ATF6: variants seen among roughly 807,000 people sequenced by gnomAD.
ATF6 encodes the protein activating transcription factor 6.
ATF6 carries 53 observed loss-of-function variants against 83.6 expected under a neutral mutation model. That is an observed-to-expected ratio of 0.63 (90% CI 0.51 to 0.80). The LOEUF is 0.80. Among genes scored for constraint, ATF6 ranks in the 30% least tolerant of loss-of-function variants. The pLI is 0.00. For synonymous variants in ATF6, 288 were observed against 285.8 expected, an observed-to-expected ratio of 1.01 and a Z score of -0.08; for missense variants, 744 against 797.9, an observed-to-expected ratio of 0.93 and a Z score of 0.81.
intron 15 of ATF6, among the ~76,000 whole-genome samples, chr1:161,921,449 A>G (rs183828626): frequency 2.6e-5 from 4 of 152,350 alleles, no homozygotes; most frequent in Admixed American, 6.5e-5. Context: ...CTTTGGAACA[A>G]TCTCAAGATG....
At chr1:161,863,513 G>C (rs1369731338) in intron 14 of ATF6, among the ~76,000 whole-genome samples, 1 of 152,048 alleles carries the variant, frequency 6.6e-6, no homozygotes, top group Non-Finnish European at 1.5e-5. Flanking sequence ...ACATGGAATT[G>C]GTGTCAGACT....
intron 9 of ATF6, among the ~76,000 whole-genome samples, chr1:161,828,401 G>A (rs140771421): frequency 2.0e-5 from 3 of 152,266 alleles, no homozygotes; most frequent in Non-Finnish European, 2.9e-5. Flanking sequence ...ATAATGATAA[G>A]CTAGCATTGG....
intron 15 of ATF6, among the ~76,000 whole-genome samples, chr1:161,940,171 C>T (rs1688615645): frequency 6.6e-6 from 1 of 152,146 alleles, no homozygotes; most frequent in Admixed American, 6.5e-5. Context: ...CTCTTTCATC[C>T]ACTTTTGATC....
chr1:161,829,189 C>CTTT lies in ATF6; in HGVS notation c.1187+8051_1187+8053dup, dbSNP rs35619050. ...ACTCCCACACAATCATAATGGGAGA[C>CTTT]TTTTTTTTTTTTTTTTTTTTTTTTT... is the stretch of plus-strand genomic sequence containing the variant. On this transcript the variant is annotated intron_variant, in intron 9 of 15. Coordinates refer to ENST00000367942, the MANE Select transcript of ATF6 (RefSeq NM_007348.4). 2.7e-3 allele frequency among the ~76,000 whole-genome samples: 197 copies of CTTT among 72,452 alleles called. 1 individual carries two copies. Among genetic ancestry groups the CTTT allele is most frequent in the Non-Finnish European group, 2.9e-3 (116 of 39,672 alleles). The allele number at this position is 72,452 out of a possible 152,430, so 47.5% of individuals were successfully genotyped here. A position where few individuals can be genotyped will look rare whatever the true frequency, so the allele number is the denominator to read the frequency against.
intron 14 of ATF6, among the ~76,000 whole-genome samples, chr1:161,875,816 G>A (rs1256468896): frequency 1.3e-5 from 2 of 151,816 alleles, no homozygotes; most frequent in African/African-American, 4.8e-5. Flanking sequence ...CAGCAGAAAT[G>A]CTTTATGTGT....
intron 15 of ATF6, among the ~76,000 whole-genome samples, chr1:161,914,104 CT>C (rs2101889996): frequency 6.6e-6 from 1 of 152,212 alleles, no homozygotes; most frequent in East Asian, 1.9e-4. Context: ...AAAAACTTCC[CT>C]TTTTAGGATA....
Position 161,962,340 on chromosome 1 carries a change from C to T in ATF6, c.*3686C>T, listed in dbSNP as rs1316260109. 1.3e-5 allele frequency: 2 copies of T among 152,150 alleles called. No individual in the cohort carries two copies. The highest frequency in any genetic ancestry group is 2.9e-5 in the Non-Finnish European group (2 of 68,028). The allele number at this position is 152,150 out of a possible 1,614,324, so 9.4% of individuals were successfully genotyped here. Reference sequence around the variant, plus strand: ...GACATCATCCTGACTAAATCTTAGCCTGAACCTTCCTCCCCTGTGTGTATT... The same window carrying T: ...GACATCATCCTGACTAAATCTTAGCTTGAACCTTCCTCCCCTGTGTGTATT... On this transcript the variant is annotated 3_prime_UTR_variant, in exon 16 of 16. Coordinates refer to ENST00000367942, the MANE Select transcript of ATF6 (RefSeq NM_007348.4).
chr1:161,834,340 G>A (rs1321353885), intron 9 of ATF6, among the ~76,000 whole-genome samples: 6 of 151,724 alleles, frequency 4.0e-5, no homozygotes, highest in Non-Finnish European at 8.8e-5. Context: ...TGTTTATTGC[G>A]GCACTATTCA....
chr1:161,819,759 G>C lies in ATF6; in HGVS notation c.1036G>C (p.Glu346Gln). 1 of 1,612,538 alleles carries C rather than the reference G, an allele frequency of 6.2e-7. No individual in the cohort carries two copies. Among genetic ancestry groups the C allele is most frequent in the Non-Finnish European group, 8.5e-7 (1 of 1,179,374 alleles). The change falls in exon 8 of 16, where the codon GAG (glutamate) becomes CAG (glutamine). Residue 346 changes from glutamate to glutamine, a missense_variant. Glu to Gln is a conservative substitution (Grantham distance 29). Coordinates refer to ENST00000367942, the MANE Select transcript of ATF6 (RefSeq NM_007348.4). ...ARLKAALSEN[E>Q]QLKKENGTLK... is the part of the protein sequence containing the mutation. ...ATTAAAGGCTGCCCTCTCAGAAAAC[G>C]AGCAACTGAAGAAAGAAAATGGAAC... is the stretch of plus-strand genomic sequence containing the variant.
intron 7 of ATF6, among the ~76,000 whole-genome samples, chr1:161,808,778 A>C (rs1685369120): frequency 6.6e-6 from 1 of 150,962 alleles, no homozygotes; most frequent in African/African-American, 2.4e-5. Flanking sequence ...GTTGTATTGC[A>C]CAGGGTGGTC....
At chr1:161,906,644 A>G (rs2101884108) in intron 14 of ATF6, among the ~76,000 whole-genome samples, 1 of 152,300 alleles carries the variant, frequency 6.6e-6, no homozygotes, top group East Asian at 1.9e-4. Context: ...GCATTATCAG[A>G]TTTGTATTAA....
rs16845999 is a variant in ATF6, at chr1:161,790,879, A to G, written c.355-529A>G. ...TGCTCCATTCATGCATCTTTCTTTT[A>G]CAACATTTGGAACAAAGGCAGTATT... On this transcript the variant is annotated intron_variant, in intron 4 of 15. Transcript: ENST00000367942. Among the ~76,000 whole-genome samples the G allele has an allele frequency of 9.8e-3, 1,486 of 152,288 alleles. 26 individuals carry two copies. Among genetic ancestry groups the G allele is most frequent in the African/African-American group, 0.034 (1,420 of 41,546 alleles).
intron 9 of ATF6, among the ~76,000 whole-genome samples, chr1:161,831,115 C>G (rs975533339): frequency 7.9e-5 from 12 of 151,932 alleles, no homozygotes; most frequent in Non-Finnish European, 1.5e-4. Context: ...AAAAACAACC[C>G]CATCAAAAAG....
intron 6 of ATF6, among the ~76,000 whole-genome samples, chr1:161,800,682 G>A (rs564242279): frequency 6.6e-6 from 1 of 152,304 alleles, no homozygotes; most frequent in East Asian, 1.9e-4. Context: ...TGCCTTTGAT[G>A]CTGTTTTCAT....
At chr1:161,787,407 T>C (rs1451936446) in intron 4 of ATF6, among the ~76,000 whole-genome samples, 1 of 152,214 alleles carries the variant, frequency 6.6e-6, no homozygotes, top group Non-Finnish European at 1.5e-5. Flanking sequence ...GGGGGTCCCT[T>C]CACACCAGCT....
chr1:161,792,418 C>A lies in ATF6; in HGVS notation c.688+91C>A, dbSNP rs1362626392. Reference sequence around the variant, plus strand: ...TTTGTTTTAATTCAGGTTATAATTTCTGAGCACGTGCTGTTTGTCAGGAAT... The same window carrying A: ...TTTGTTTTAATTCAGGTTATAATTTATGAGCACGTGCTGTTTGTCAGGAAT... On this transcript the variant is annotated intron_variant, in intron 6 of 15. Transcript: ENST00000367942. The A allele has an allele frequency of 1.9e-5, 23 of 1,234,780 alleles. No homozygotes were observed. In the East Asian group the frequency reaches 5.1e-4, roughly 27 times the overall value. 76.5% of individuals were successfully genotyped at this position (1,234,780 alleles called of 1,614,324 possible).
intron 15 of ATF6, among the ~76,000 whole-genome samples, chr1:161,919,013 G>A (rs1259139644): frequency 1.3e-5 from 2 of 152,166 alleles, no homozygotes; most frequent in Admixed American, 6.5e-5. Flanking sequence ...TTCAGAAATC[G>A]CTAAAGAGAG....
At chr1:161,914,009 G>C (rs745865710) in intron 15 of ATF6, among the ~76,000 whole-genome samples, 57 of 152,150 alleles carry the variant, frequency 3.7e-4, no homozygotes, top group Non-Finnish European at 7.2e-4. Flanking sequence ...TTGAAGAGGA[G>C]CCTTTCATGG....
intron 14 of ATF6, among the ~76,000 whole-genome samples, chr1:161,883,905 G>T (rs1687368051): frequency 6.6e-6 from 1 of 151,984 alleles, no homozygotes; most frequent in East Asian, 1.9e-4. Context: ...AAATAGTTCA[G>T]GTCTATTCTG....
Sources: allele counts gnomAD v4.1 joint callset (sites outside exome capture counted in the v4.1 genomes callset), GRCh38; gene constraint gnomAD v4.1.1; transcripts MANE v1.5; gene names NCBI Gene and HGNC (gene_info 2026-07-23, HGNC 2026-07-21).